The following AGBL1 variants were observed in gnomAD, a reference collection of about 807,000 sequenced individuals.
AGBL1 encodes cytosolic carboxypeptidase 4.
Under a neutral mutation model 118.9 loss-of-function variants are expected in AGBL1, and 130 were observed. The ratio of observed to expected loss-of-function variants is 1.09; its 90% CI spans 0.95 to 1.26. AGBL1 has a LOEUF of 1.26. AGBL1 is among the 50% of genes most tolerant of loss of function. AGBL1 has a pLI of 0.00. For missense variants in AGBL1, 1,584 were observed against 1,298.1 expected (o/e 1.22, Z -3.38); for synonymous variants, 555 against 478.9 (o/e 1.16, Z -2.08).
chr15:86,780,888 G>C (rs1294890319), intron 22 of AGBL1, among the ~76,000 whole-genome samples: 1 of 151,816 alleles, frequency 6.6e-6, no homozygotes, highest in African/African-American at 2.4e-5. Flanking sequence ...GTCTGATTTT[G>C]AACTCCTGAC....
chr15:86,377,059 A>G (rs561373099), intron 17 of AGBL1, among the ~76,000 whole-genome samples: 3 of 152,326 alleles, frequency 2.0e-5, no homozygotes, highest in South Asian at 2.1e-4. Flanking sequence ...TTTATAAGTC[A>G]GGATTATGCT....
At chr15:86,582,701 G>T (rs2084187332) in intron 21 of AGBL1, among the ~76,000 whole-genome samples, 1 of 152,144 alleles carries the variant, frequency 6.6e-6, no homozygotes, top group East Asian at 1.9e-4. Flanking sequence ...ATGAGTTCAT[G>T]TCCTTTGTAG....
intron 22 of AGBL1, among the ~76,000 whole-genome samples, chr15:86,759,597 A>G (rs1338097631): frequency 1.3e-5 from 2 of 152,122 alleles, no homozygotes; most frequent in African/African-American, 2.4e-5. Flanking sequence ...TCACACAACT[A>G]GTTTCCCTTT....
At position 86,247,817 on chromosome 15, in the gene AGBL1, C is replaced by T. The variant is rs374832275; in HGVS notation, c.673C>T (p.Arg225Trp). Residue 225 changes from arginine to tryptophan, a missense_variant, in exon 7 of 23, where the codon CGG (arginine) becomes TGG (tryptophan). By Grantham distance (101) the Arg-to-Trp change is moderately radical. Transcript: ENST00000614907. ...CTGCCTCAGGCACATTGCTGCCCTC[C>T]GGTCCGGCAGGGAGGCCTTCCTGGC... ...LLCLRHIAALRSGREAFLAAQ... is the reference protein window; with the variant it reads ...LLCLRHIAALWSGREAFLAAQ... The T allele has an allele frequency of 3.5e-5, 57 of 1,613,822 alleles. No homozygotes were observed. The highest frequency in any genetic ancestry group is 1.5e-4 in the African/African-American group (11 of 74,926).
intron 22 of AGBL1, among the ~76,000 whole-genome samples, chr15:86,885,286 A>G (rs1199366070): frequency 3.3e-5 from 5 of 152,288 alleles, no homozygotes; most frequent in South Asian, 4.1e-4. Context: ...TGAAATTACT[A>G]TAGAACTGAA....
chr15:86,574,386 T>C (rs1404020115), intron 21 of AGBL1, among the ~76,000 whole-genome samples: 1 of 152,018 alleles, frequency 6.6e-6, no homozygotes, highest in Non-Finnish European at 1.5e-5. Context: ...TGCTCTCTAG[T>C]AGCAGCAAAG....
At chr15:86,170,597 CA>C (rs773593037) in intron 5 of AGBL1, among the ~76,000 whole-genome samples, 7 of 152,068 alleles carry the variant, frequency 4.6e-5, no homozygotes, top group Non-Finnish European at 1.0e-4. Context: ...GTAATCCCAG[CA>C]CTTTGGGAGG....
intron 21 of AGBL1, among the ~76,000 whole-genome samples, chr15:86,567,071 TTTA>T (rs2083928118): frequency 6.6e-6 from 1 of 152,226 alleles, no homozygotes; most frequent in Non-Finnish European, 1.5e-5. Context: ...TGTTTGTATT[TTTA>T]TTGATTAACA....
intron 23 of AGBL1, among the ~76,000 whole-genome samples, chr15:86,928,266 G>A (rs1374579434): frequency 6.6e-6 from 1 of 152,156 alleles, no homozygotes; most frequent in Non-Finnish European, 1.5e-5. Context: ...AGAGAGGGCA[G>A]AGGAACAGAA....
chr15:86,670,073 T>C (rs780638896), intron 21 of AGBL1, among the ~76,000 whole-genome samples: 16 of 152,094 alleles, frequency 1.1e-4, no homozygotes, highest in East Asian at 1.9e-4. Flanking sequence ...TAGACACTTA[T>C]GGTTTTATTT....
intron 1 of AGBL1, among the ~76,000 whole-genome samples, chr15:86,122,442 C>T (rs911341277): frequency 5.3e-5 from 8 of 152,082 alleles, no homozygotes; most frequent in Non-Finnish European, 1.2e-4. Flanking sequence ...TGACTGGCTT[C>T]CAAGAAACAG....
chr15:86,816,577 T>TA (rs1380692619), intron 22 of AGBL1, among the ~76,000 whole-genome samples: 1 of 152,182 alleles, frequency 6.6e-6, no homozygotes, highest in African/African-American at 2.4e-5. Flanking sequence ...TAGGGTCATT[T>TA]AAAAATCATT....
intron 22 of AGBL1, among the ~76,000 whole-genome samples, chr15:86,890,049 C>T (rs980990515): frequency 1.9e-4 from 29 of 152,270 alleles, no homozygotes; most frequent in African/African-American, 5.5e-4. Flanking sequence ...TGCAGTCTTG[C>T]CAGCATCTGT....
chr15:86,556,061 T>C (rs1233706648), intron 21 of AGBL1, among the ~76,000 whole-genome samples: 2 of 152,322 alleles, frequency 1.3e-5, no homozygotes, highest in African/African-American at 2.4e-5. Context: ...GTGACTGTCA[T>C]TGAGTTTGTT....
At chr15:86,466,045 C>A (rs1020311057) in intron 18 of AGBL1, among the ~76,000 whole-genome samples, 1 of 152,164 alleles carries the variant, frequency 6.6e-6, no homozygotes, top group African/African-American at 2.4e-5. Context: ...TGTAAAATTT[C>A]TTTCTTTTGT....
intron 21 of AGBL1, among the ~76,000 whole-genome samples, chr15:86,667,879 G>A (rs1402758336): frequency 6.6e-6 from 1 of 152,178 alleles, no homozygotes; most frequent in Non-Finnish European, 1.5e-5. Context: ...CTGAGAGTGA[G>A]TAATTTATAA....
At chr15:86,324,442 A>C (rs140196280) in intron 17 of AGBL1, among the ~76,000 whole-genome samples, 1 of 152,208 alleles carries the variant, frequency 6.6e-6, no homozygotes, top group African/African-American at 2.4e-5. Flanking sequence ...TAGTGAGTGA[A>C]GGTCCACTGA....
At chr15:86,161,850 G>A (rs760899485) in intron 5 of AGBL1, among the ~76,000 whole-genome samples, 7 of 152,162 alleles carry the variant, frequency 4.6e-5, no homozygotes, top group Non-Finnish European at 1.0e-4. Context: ...TCCTTGGCGA[G>A]TCATTTAACT....
intron 23 of AGBL1, among the ~76,000 whole-genome samples, chr15:86,965,418 C>T (rs531621257): frequency 2.6e-5 from 4 of 151,944 alleles, no homozygotes; most frequent in Admixed American, 6.6e-5. Flanking sequence ...GTTTGTTGGC[C>T]GCATAAATGT....
Sources: allele counts gnomAD v4.1 joint callset (sites outside exome capture counted in the v4.1 genomes callset), GRCh38; gene constraint gnomAD v4.1.1; transcripts MANE v1.5; gene names NCBI Gene and HGNC (gene_info 2026-07-23, HGNC 2026-07-21).